Variants in CRIM1 observed in about 807,000 individuals in gnomAD.
The protein encoded by CRIM1 is cysteine-rich motor neuron 1 protein.
A neutral mutation model predicts 116.4 loss-of-function variants in CRIM1; 32 were observed. That is an observed-to-expected ratio of 0.27 (90% confidence interval 0.21 to 0.37). The LOEUF (loss-of-function observed/expected upper bound fraction) is 0.37, where lower values mean the gene tolerates loss of function less well. CRIM1 is among the 10% of genes least tolerant of loss of function. CRIM1 has a pLI of 1.00. For missense variants in CRIM1, 1,331 were observed against 1,354.8 expected, an observed-to-expected ratio of 0.98 and a Z score of 0.28; for synonymous variants, 590 against 509.2, an observed-to-expected ratio of 1.16 and a Z score of -2.13.
At chr2:36,520,474 A>G (rs902684578) in intron 12 of CRIM1, among the ~76,000 whole-genome samples, 15 of 152,246 alleles carry the variant, frequency 9.9e-5, no homozygotes, top group African/African-American at 3.1e-4. Flanking sequence ...CGACGTAGAT[A>G]ACCACGAAAA....
At chr2:36,385,638 G>T (rs1671117183) in intron 1 of CRIM1, among the ~76,000 whole-genome samples, 1 of 152,150 alleles carries the variant, frequency 6.6e-6, no homozygotes, top group African/African-American at 2.4e-5. Flanking sequence ...CCTCACCAGA[G>T]TGAGATGGGA....
At chr2:36,495,792 T>G (rs974573957) in intron 7 of CRIM1, among the ~76,000 whole-genome samples, 1 of 152,148 alleles carries the variant, frequency 6.6e-6, no homozygotes, top group African/African-American at 2.4e-5. Context: ...GTTCTGAGAT[T>G]ATATAATAAT....
At chr2:36,538,618 G>T (rs535637407) in intron 14 of CRIM1, among the ~76,000 whole-genome samples, 2 of 152,100 alleles carry the variant, frequency 1.3e-5, no homozygotes, top group African/African-American at 4.8e-5. Context: ...TTTTGTTTAG[G>T]CGTTGTGCAG....
intron 2 of CRIM1, 151 bp downstream of exon 2, chr2:36,396,938 G>C: frequency 1.5e-6 from 1 of 661,352 alleles, no homozygotes. Context: ...AAGTTTACCA[G>C]GTGCTTATGT....
chr2:36,505,826 TAAA>T (rs1681350844), intron 8 of CRIM1, among the ~76,000 whole-genome samples: 1 of 152,154 alleles, frequency 6.6e-6, no homozygotes, highest in Non-Finnish European at 1.5e-5. Context: ...AATCAACGAA[TAAA>T]TGTTTGCAAA....
At chr2:36,537,925 A>G (rs995902144) in intron 14 of CRIM1, among the ~76,000 whole-genome samples, 3 of 152,212 alleles carry the variant, frequency 2.0e-5, no homozygotes, top group African/African-American at 7.2e-5. Flanking sequence ...AAGCCATTAC[A>G]CTGTGAAAAT....
intron 1 of CRIM1, among the ~76,000 whole-genome samples, chr2:36,381,103 T>A (rs776446330): frequency 6.6e-6 from 1 of 152,068 alleles, no homozygotes; most frequent in Non-Finnish European, 1.5e-5. Context: ...GCCCGCCTTC[T>A]TGCCCCCGCC....
At position 36,361,624 on chromosome 2, in the gene CRIM1, T is replaced by C. The variant is rs551192949; in HGVS notation, c.331+5001T>C. Among the ~76,000 whole-genome samples, 35 of 152,282 alleles carry C rather than the reference T, an allele frequency of 2.3e-4. No individual in the cohort carries two copies. The East Asian group carries it at 6.0e-3, about 26-fold the overall frequency. Reference sequence around the variant, plus strand: ...AAGTATATCATCCTTTGAAGAATAATCCAAAACACATTCCAGACATTAATT... The same window carrying C: ...AAGTATATCATCCTTTGAAGAATAACCCAAAACACATTCCAGACATTAATT... On this transcript the variant is annotated intron_variant, in intron 1 of 16. Transcript: ENST00000280527.
chr2:36,374,624 ACTC>A lies in CRIM1; in HGVS notation c.331+18005_331+18007del, dbSNP rs1195411529. ...ATTGGGTTGTACTGACTGCAGTGTT[ACTC>A]CTCATTTCCTTTCCCCCTTTCTTTT... is the stretch of plus-strand genomic sequence containing the variant. On this transcript the variant is annotated intron_variant, in intron 1 of 16. Coordinates refer to ENST00000280527, the MANE Select transcript of CRIM1 (RefSeq NM_016441.3). Among the ~76,000 whole-genome samples, 8 of 152,202 alleles carry A rather than the reference ACTC, an allele frequency of 5.3e-5. No homozygotes were observed. The South Asian group carries it at 1.7e-3, about 32-fold the overall frequency.
intron 4 of CRIM1, among the ~76,000 whole-genome samples, chr2:36,445,839 A>G (rs1007487471): frequency 2.6e-5 from 4 of 152,192 alleles, no homozygotes; most frequent in African/African-American, 7.2e-5. Context: ...GAGAAAAACT[A>G]CGTAACTTTA....
intron 4 of CRIM1, among the ~76,000 whole-genome samples, chr2:36,446,934 G>T (rs932323272): frequency 6.6e-6 from 1 of 152,182 alleles, no homozygotes; most frequent in South Asian, 2.1e-4. Flanking sequence ...GTGCATAAGA[G>T]AATTTACAAC....
chr2:36,465,736 C>T (rs986547570), intron 5 of CRIM1, among the ~76,000 whole-genome samples: 23 of 152,194 alleles, frequency 1.5e-4, no homozygotes, highest in African/African-American at 5.3e-4. Flanking sequence ...GGGTCCTCCA[C>T]TCACTAGCTG....
At chr2:36,547,737 G>C (rs1667453112) in intron 16 of CRIM1, among the ~76,000 whole-genome samples, 1 of 152,086 alleles carries the variant, frequency 6.6e-6, no homozygotes, top group Non-Finnish European at 1.5e-5. Context: ...CACTAAGGGA[G>C]AAAAGATGTA....
At chr2:36,476,801 A>G in intron 5 of CRIM1, 88 bp from the exon 6 acceptor site, 2 of 1,107,554 alleles carry the variant, frequency 1.8e-6, no homozygotes, top group South Asian at 1.5e-5. Context: ...CTCCTATTAG[A>G]AATTTTCTAG....
chr2:36,464,297 C>G (rs1677819911), intron 4 of CRIM1, among the ~76,000 whole-genome samples: 1 of 152,132 alleles, frequency 6.6e-6, no homozygotes, highest in Non-Finnish European at 1.5e-5. Context: ...ATATTTCTGT[C>G]AAAATGGTTA....
At chr2:36,518,994 T>C (rs2125124458) in intron 12 of CRIM1, among the ~76,000 whole-genome samples, 1 of 152,308 alleles carries the variant, frequency 6.6e-6, no homozygotes, top group African/African-American at 2.4e-5. Context: ...ATATTCCACG[T>C]TAAGTCAATA....
chr2:36,487,296 C>T lies in CRIM1; in HGVS notation c.1372+7602C>T, dbSNP rs848540. 4.1e-3 allele frequency among the ~76,000 whole-genome samples: 631 copies of T among 152,096 alleles called. 23 individuals are homozygous for T. The East Asian group carries it at 0.095, about 23-fold the overall frequency. On this transcript the variant is annotated intron_variant, in intron 7 of 16. Coordinates refer to ENST00000280527, the MANE Select transcript of CRIM1 (RefSeq NM_016441.3). ...GTTTATTCCCACCAACACAAGGTCCCGCCAGATAATAAAATTATTTTTAAA... is the reference window on the plus strand; with the variant it reads ...GTTTATTCCCACCAACACAAGGTCCTGCCAGATAATAAAATTATTTTTAAA...
intron 7 of CRIM1, among the ~76,000 whole-genome samples, chr2:36,482,468 C>G (rs1211300465): frequency 6.6e-6 from 1 of 152,060 alleles, no homozygotes; most frequent in East Asian, 1.9e-4. Flanking sequence ...TTATAGGGTC[C>G]AAGAAAGTCT....
intron 13 of CRIM1, among the ~76,000 whole-genome samples, chr2:36,522,760 C>T (rs1172719079): frequency 2.0e-5 from 3 of 148,780 alleles, no homozygotes; most frequent in African/African-American, 7.4e-5. Context: ...CAAGATTGTG[C>T]CACTGCACTC....
Sources: allele counts gnomAD v4.1 joint callset (sites outside exome capture counted in the v4.1 genomes callset), GRCh38; gene constraint gnomAD v4.1.1; transcripts MANE v1.5; gene names NCBI Gene and HGNC (gene_info 2026-07-23, HGNC 2026-07-21).